The following EPRS1 variants were observed in gnomAD, a reference collection of about 807,000 sequenced individuals.
EPRS1 encodes bifunctional glutamate/proline--tRNA ligase.
EPRS1 carries 107 observed loss-of-function variants against 188.3 expected under a neutral mutation model. The ratio of observed to expected loss-of-function variants is 0.57; its 90% confidence interval spans 0.49 to 0.67. The LOEUF is 0.67. Among genes scored for constraint, EPRS1 ranks in the 30% least tolerant of loss-of-function variants. The pLI is 0.00. For missense variants in EPRS1, 1,577 were observed against 1,802.2 expected (o/e 0.88, Z 2.26); for synonymous variants, 596 against 593.1 (o/e 1.00, Z -0.07).
intron 9 of EPRS1, 30 bp from the exon 10 acceptor site, chr1:220,020,251 A>C: frequency 1.5e-6 from 2 of 1,362,966 alleles, no homozygotes; most frequent in Non-Finnish European, 2.1e-6. Context: ...AATAAACAAA[A>C]CATTTTACCC....
chr1:220,032,599 T>C (rs1292950238), intron 4 of EPRS1, 73 bp from the exon 5 acceptor site: 11 of 1,447,988 alleles, frequency 7.6e-6, no homozygotes, highest in South Asian at 1.2e-5. Context: ...TTGTGACTAA[T>C]TGAAGTAATT....
intron 6 of EPRS1, among the ~76,000 whole-genome samples, chr1:220,025,727 G>A (rs1461873771): frequency 6.6e-6 from 1 of 152,024 alleles, no homozygotes; most frequent in Admixed American, 6.6e-5. Flanking sequence ...AATGAAAAGA[G>A]CACATGACAA....
chr1:219,989,925 G>A (rs1467557415), intron 18 of EPRS1, among the ~76,000 whole-genome samples: 1 of 151,944 alleles, frequency 6.6e-6, no homozygotes. Flanking sequence ...AAACGGCCAA[G>A]TTAATCAGAC....
intron 1 of EPRS1, among the ~76,000 whole-genome samples, chr1:220,045,255 T>C (rs1662378508): frequency 6.6e-6 from 1 of 152,208 alleles, no homozygotes; most frequent in African/African-American, 2.4e-5. Flanking sequence ...ATCCTAGTAC[T>C]TTGGGAGGCC....
At chr1:220,031,520 C>T (rs11118488) in intron 5 of EPRS1, among the ~76,000 whole-genome samples, 5,545 of 152,228 alleles carry the variant, frequency 0.036, 302 homozygotes, top group African/African-American at 0.12. Context: ...ATGTGAAAAA[C>T]AGTGAAGGAT....
intron 9 of EPRS1, 63 bp from the exon 10 acceptor site, chr1:220,020,284 A>G: frequency 2.1e-6 from 2 of 974,862 alleles, no homozygotes; most frequent in South Asian, 1.5e-5. Context: ...ATTAAGCATT[A>G]TAAACAACAA....
chr1:219,999,762 T>G (rs1661307735), intron 17 of EPRS1, among the ~76,000 whole-genome samples: 1 of 152,046 alleles, frequency 6.6e-6, no homozygotes, highest in Admixed American at 6.6e-5. Context: ...TCACCTGAGG[T>G]AAGGAGTTCA....
chr1:220,040,331 C>A, intron 1 of EPRS1, 62 bp from the exon 2 acceptor site: 1 of 1,141,812 alleles, frequency 8.8e-7, no homozygotes, highest in South Asian at 1.3e-5. Flanking sequence ...TAACTTGAAT[C>A]ATAAAGCAAT....
At chr1:220,008,107 CAAAAAAAAAAAAAA>C (rs55642831) in intron 13 of EPRS1, among the ~76,000 whole-genome samples, 110,364 of 134,202 alleles carry the variant, frequency 0.82, 43,993 homozygotes, top group East Asian at 0.92. Context: ...ACTCCGTCAC[CAAAAAAAAAAAAAA>C]AAAAAAAAAA....
intron 16 of EPRS1, among the ~76,000 whole-genome samples, chr1:220,002,818 G>T (rs1007526003): frequency 6.6e-6 from 1 of 152,166 alleles, no homozygotes; most frequent in African/African-American, 2.4e-5. Context: ...AAGTCTGGGT[G>T]AGAGTGAGAC....
intron 20 of EPRS1, 137 bp from the exon 21 acceptor site, chr1:219,984,394 A>G: frequency 3.0e-6 from 2 of 672,382 alleles, no homozygotes; most frequent in Non-Finnish European, 5.3e-6. Flanking sequence ...ACTCTTCTAT[A>G]TTCATTCCCA....
chr1:220,010,819 AAAAAAAGAAAG>A, intron 13 of EPRS1, 116 bp downstream of exon 13: 1 of 605,194 alleles, frequency 1.7e-6, no homozygotes. Flanking sequence ...AAAAAAAAAA[AAAAAAAGAAAG>A]AAAGAAAGAA....
chr1:219,981,785 C>G (rs1660906259), intron 23 of EPRS1, among the ~76,000 whole-genome samples: 1 of 152,138 alleles, frequency 6.6e-6, no homozygotes, highest in Admixed American at 6.5e-5. Flanking sequence ...AGGTCATGTT[C>G]TATGTTAAGT....
chr1:220,020,343 C>T (rs1346531470), intron 9 of EPRS1, 122 bp from the exon 10 acceptor site: 3 of 664,462 alleles, frequency 4.5e-6, no homozygotes, highest in East Asian at 5.5e-5. Context: ...TCTTAAAAAC[C>T]AAAAGGTTTT....
rs370041135 is a variant in EPRS1 at position 220,022,960 on chromosome 1, G to A, written c.944-442C>T. 7.9e-5 allele frequency among the ~76,000 whole-genome samples: 12 copies of A among 152,028 alleles called. No individual in the cohort carries two copies. The East Asian group carries it at 1.5e-3, about 20-fold the overall frequency. ...CCTAAGGGACAGAATGGTTTGGTCC[G>A]GCCCTAAGGTCCCACAGGCATTGGC... is the stretch of plus-strand genomic sequence containing the variant. On this transcript the variant is annotated intron_variant, in intron 8 of 31. Transcript: ENST00000366923.
chr1:220,035,808 C>T (rs1662165379), intron 2 of EPRS1, among the ~76,000 whole-genome samples: 1 of 151,762 alleles, frequency 6.6e-6, no homozygotes, highest in Admixed American at 6.6e-5. Context: ...GAGAGAGACC[C>T]TGTCTCAAAA....
chr1:219,987,206 T>A lies in EPRS1; in HGVS notation c.2974A>T (p.Asn992Tyr), dbSNP rs770000594. ...NDGQRKDPSK[N>Y]QGGGLSSSGA... The stretch of plus-strand genomic sequence containing the variant: ...CTTGATGAGAGCCCACCTCCTTGGT[T>A]TTTAGAAGGGTCTTTCCTTTGGCCA... The change falls in exon 20 of 32, where the codon AAC becomes TAC. Residue 992 changes from asparagine (N) to tyrosine (Y), a missense_variant. By Grantham distance (143) the Asn-to-Tyr change is moderately radical. Around this residue, in one of 3 missense-constraint regions of EPRS1, gnomAD observed 1,278 missense variants for 1,457.4 expected, o/e 0.88. Transcript: ENST00000366923. 1.9e-6 allele frequency: 3 copies of A among 1,614,140 alleles called. No homozygotes were observed. In the South Asian group the frequency reaches 3.3e-5, roughly 18 times the overall value.
At chr1:219,975,423 T>C (rs923576866) in intron 28 of EPRS1, among the ~76,000 whole-genome samples, 2 of 152,204 alleles carry the variant, frequency 1.3e-5, no homozygotes, top group African/African-American at 4.8e-5. Context: ...GAATGCATCC[T>C]GCGGTGGTTT....
At chr1:219,995,530 C>T (rs1273007773) in intron 18 of EPRS1, among the ~76,000 whole-genome samples, 1 of 152,192 alleles carries the variant, frequency 6.6e-6, no homozygotes, top group Non-Finnish European at 1.5e-5. Context: ...GAATTTATAT[C>T]CTAAACTCAT....
Sources: gnomAD v4.1 joint callset for allele counts (sites outside exome capture counted in the v4.1 genomes callset) on GRCh38, gnomAD v4.1.1 for gene constraint, gnomAD v4.1.1 regional missense constraint, MANE v1.5 for transcripts, NCBI Gene and HGNC (gene_info 2026-07-23, HGNC 2026-07-21) for gene names.